RMC1: variants seen among roughly 807,000 people sequenced by gnomAD.
RMC1 encodes the protein regulator of MON1-CCZ1 complex.
Under a neutral mutation model 95.5 loss-of-function variants are expected in RMC1, and 44 were observed. The ratio of observed to expected loss-of-function variants is 0.46; its 90% CI spans 0.36 to 0.59. The LOEUF (loss-of-function observed/expected upper bound fraction) is 0.59, where lower values mean the gene tolerates loss of function less well. Ranked by LOEUF, RMC1 falls within the 20% of genes least tolerant of loss-of-function variation. RMC1 has a pLI of 0.00. For missense variants in RMC1, 705 were observed against 819.6 expected (o/e 0.86, Z 1.71); for synonymous variants, 320 against 303.6 (o/e 1.05, Z -0.56).
At chr18:23,511,309 C>T (rs758133822) in intron 5 of RMC1, among the ~76,000 whole-genome samples, 28 of 146,232 alleles carry the variant, frequency 1.9e-4, no homozygotes, top group African/African-American at 6.4e-4. Context: ...ACAACAGACA[C>T]GGGGGGCTAC....
At chr18:23,521,868 C>G (rs189212557) in intron 10 of RMC1, among the ~76,000 whole-genome samples, 90 of 152,272 alleles carry the variant, frequency 5.9e-4, no homozygotes, top group African/African-American at 1.9e-3. Context: ...CTGTGCCTGT[C>G]CCTCGCAGCA....
At position 23,503,574 on chromosome 18, in the gene RMC1, C is replaced by T; in HGVS notation, c.-45C>T. 3 of 1,462,732 alleles carry T rather than the reference C, an allele frequency of 2.1e-6. No individual in the cohort carries two copies. Among genetic ancestry groups the T allele is most frequent in the Non-Finnish European group, 2.8e-6 (3 of 1,082,076 alleles). 90.6% of individuals were successfully genotyped at this position (1,462,732 alleles called of 1,614,324 possible). On this transcript the variant is annotated 5_prime_UTR_variant, in exon 1 of 20. Transcript: ENST00000269221. ...GCTCCACCGCGCATCCTGCTCCACT[C>T]TGGCGACCGCCCCCGGGGCCCCCGC...
intron 4 of RMC1, 98 bp downstream of exon 4, chr18:23,508,139 T>C (rs1352629092): frequency 9.8e-6 from 11 of 1,117,130 alleles, no homozygotes; most frequent in Non-Finnish European, 1.4e-5. Context: ...GAGCACAGAC[T>C]TGAAGTCAGA....
At chr18:23,527,647 G>T in intron 13 of RMC1, 148 bp from the exon 14 acceptor site, 2 of 278,212 alleles carry the variant, frequency 7.2e-6, no homozygotes, top group Admixed American at 6.9e-5. Context: ...ATGACATCTA[G>T]CTGTCAGGTC....
chr18:23,524,520 T>C (rs2145243808), intron 12 of RMC1, 38 bp downstream of exon 12: 1 of 1,605,128 alleles, frequency 6.2e-7, no homozygotes, highest in East Asian at 2.2e-5. Context: ...TACAACATGG[T>C]GCTTGTTGAC....
chr18:23,529,593 C>A, intron 15 of RMC1, 42 bp from the exon 16 acceptor site: 2 of 1,532,808 alleles, frequency 1.3e-6, no homozygotes, highest in Non-Finnish European at 1.8e-6. Flanking sequence ...GCCTCTTTTG[C>A]ACCTCGTTGG....
At chr18:23,527,563 G>A (rs1040796403) in intron 13 of RMC1, among the ~76,000 whole-genome samples, 2 of 143,832 alleles carry the variant, frequency 1.4e-5, no homozygotes, top group African/African-American at 5.1e-5. Flanking sequence ...TTATAGGCAT[G>A]TGCCACTGAG....
At chr18:23,517,440 G>T (rs992091495) in intron 7 of RMC1, among the ~76,000 whole-genome samples, 1 of 152,070 alleles carries the variant, frequency 6.6e-6, no homozygotes, top group Admixed American at 6.5e-5. Context: ...GAGCCACCAC[G>T]CCTGGCAGTA....
rs957858635 is a variant in RMC1, at chr18:23,520,284, C to T, written c.932C>T (p.Ser311Leu). The T allele has an allele frequency of 2.5e-6, 4 of 1,613,906 alleles. No individual in the cohort carries two copies. Among genetic ancestry groups the T allele is most frequent in the African/African-American group, 1.3e-5 (1 of 74,910 alleles). The part of the protein sequence containing the change: ...TFHHPVLPAR[S>L]IQPYQIPITG... ...CACCACCCCGTGCTTCCCGCTCGAT[C>T]GATCCAGCCCTATCAGATCCCCATC... Residue 311 changes from serine (S) to leucine (L), a missense_variant, in exon 10 of 20, where the codon TCG (serine) becomes TTG (leucine). Transcript: ENST00000269221.
At chr18:23,515,661 T>C (rs149552733) in intron 5 of RMC1, among the ~76,000 whole-genome samples, 195 bp from the exon 6 acceptor site, 5 of 152,272 alleles carry the variant, frequency 3.3e-5, no homozygotes, top group East Asian at 3.9e-4. Flanking sequence ...GCCTTCTGAG[T>C]AGCTGGAATT....
rs1231009441 is a variant in RMC1 at position 23,530,044 on chromosome 18, T to C, written c.1511T>C (p.Leu504Pro). The part of the protein sequence containing the change: ...QIAVQHYLHE[L>P]VIKTLVQHNL... The stretch of plus-strand genomic sequence containing the variant: ...TGTCCTCAGCATTACCTACATGAAC[T>C]TGTTATCAAAACCCTTGTCCAGCAC... The change falls in exon 17 of 20, where the codon CTT becomes CCT. Residue 504 changes from leucine to proline, a missense_variant. Coordinates refer to ENST00000269221, the MANE Select transcript of RMC1 (RefSeq NM_013326.5). 1 of 1,614,084 alleles carries C rather than the reference T, an allele frequency of 6.2e-7. No individual in the cohort carries two copies. The highest frequency in any genetic ancestry group is 8.5e-7 in the Non-Finnish European group (1 of 1,179,912).
chr18:23,528,623 C>T (rs1598912495), intron 14 of RMC1: 1 of 153,642 alleles, frequency 6.5e-6, no homozygotes, highest in East Asian at 1.9e-4. Flanking sequence ...GTGTCCATTC[C>T]TACGCTGCCA....
intron 6 of RMC1, 106 bp from the exon 7 acceptor site, chr18:23,516,214 A>C (rs1375442634): frequency 7.1e-7 from 1 of 1,415,650 alleles, no homozygotes; most frequent in Non-Finnish European, 9.9e-7. Flanking sequence ...GGTGGAAAGG[A>C]TCCAAAGACG....
At chr18:23,514,133 A>C (rs1267960427) in intron 5 of RMC1, among the ~76,000 whole-genome samples, 2 of 152,218 alleles carry the variant, frequency 1.3e-5, no homozygotes, top group Non-Finnish European at 2.9e-5. Flanking sequence ...TGACCTAATG[A>C]AAGTCATATA....
Position 23,506,990 on chromosome 18 carries a change from T to C in RMC1, c.200T>C (p.Val67Ala). ...ISFRMDDKGE[V>A]KCIKFSLENK... is the part of the protein sequence containing the mutation. ...TAAAGAATGGATGACAAAGGAGAAG[T>C]GAAGTGCATTAAGTTTTCCTTAGAA... The change falls in exon 3 of 20, where the codon GTG becomes GCG. Residue 67 changes from valine to alanine, a missense_variant. By Grantham distance (64) the Val-to-Ala change is moderately conservative. Transcript: ENST00000269221. The C allele has an allele frequency of 6.2e-7, 1 of 1,608,190 alleles. No individual in the cohort carries two copies. The highest frequency in any genetic ancestry group is 1.3e-5 in the African/African-American group (1 of 74,884).
chr18:23,509,258 T>C lies in RMC1; in HGVS notation c.387T>C (p.Asp129=), dbSNP rs766933496. ...TSSTEIVFIT[D]QGIEFYQVLP... is the part of the protein sequence containing the mutation. ...CAACTGAAATTGTCTTCATAACAGA[T>C]CAAGGAATCGAATTTTACCAGGTAT... The change falls in exon 5 of 20, where the codon GAT becomes GAC. Residue 129 remains aspartate (D), a synonymous_variant. Transcript: ENST00000269221. 6.9e-7 allele frequency: 1 copy of C among 1,448,234 alleles called. No homozygotes were observed. Among genetic ancestry groups the C allele is most frequent in the Admixed American group, 2.4e-5 (1 of 42,136 alleles). The allele number at this position is 1,448,234 out of a possible 1,614,324, so 89.7% of individuals were successfully genotyped here.
rs774522978 is a variant in RMC1, at chr18:23,530,120, C to T, written c.1587C>T (p.Asp529=). 1.2e-5 allele frequency: 19 copies of T among 1,614,086 alleles called. No homozygotes were observed. The highest frequency in any genetic ancestry group is 1.6e-5 in the Non-Finnish European group (19 of 1,180,006). Residue 529 remains aspartate (D), a synonymous_variant, in exon 17 of 20, where the codon GAC becomes GAT. Transcript: ENST00000269221. The part of the protein sequence containing the change: ...HQFLQYHVLS[D]SKPLACLLLS... ...TCCTGCAGTACCACGTCCTCAGCGA[C>T]TCCAAACCTTTGGTATGCATTGCCA...
intron 10 of RMC1, among the ~76,000 whole-genome samples, chr18:23,523,663 T>C (rs2058210079): frequency 6.6e-6 from 1 of 151,776 alleles, no homozygotes; most frequent in Non-Finnish European, 1.5e-5. Flanking sequence ...TTCGTGGTTA[T>C]AGTGGGCTAT....
At chr18:23,524,530 C>T (rs1187326115) in intron 12 of RMC1, 48 bp downstream of exon 12, 4 of 1,585,862 alleles carry the variant, frequency 2.5e-6, no homozygotes, top group African/African-American at 2.7e-5. Flanking sequence ...TGCTTGTTGA[C>T]TTTGGATCCC....
Sources: allele counts gnomAD v4.1 joint callset (sites outside exome capture counted in the v4.1 genomes callset), GRCh38; gene constraint gnomAD v4.1.1; transcripts MANE v1.5; gene names NCBI Gene and HGNC (gene_info 2026-07-23, HGNC 2026-07-21).